Variants in ZNF558 observed in about 807,000 individuals in gnomAD.
The protein encoded by ZNF558 is zinc finger protein 558.
ZNF558 carries 23 observed loss-of-function variants against 37.6 expected under a neutral mutation model. The observed-to-expected ratio is 0.61, with a 90% CI of 0.44 to 0.87. The LOEUF (loss-of-function observed/expected upper bound fraction) is 0.87, where lower values mean the gene tolerates loss of function less well. Ranked by LOEUF, ZNF558 falls within the 40% of genes least tolerant of loss-of-function variation. The probability of loss-of-function intolerance (pLI) is 0.00; values close to 1 mark genes in which losing one functional copy is unlikely to be tolerated. For missense variants in ZNF558, 429 were observed against 483.7 expected (o/e 0.89, Z 1.06); for synonymous variants, 189 against 174.4 (o/e 1.08, Z -0.66).
At chr19:8,818,525 G>C (rs1045366037) in intron 7 of ZNF558, among the ~76,000 whole-genome samples, 1 of 152,148 alleles carries the variant, frequency 6.6e-6, no homozygotes, top group African/African-American at 2.4e-5. Context: ...ATTATCTACA[G>C]AGATAAAACA....
upstream of ZNF558, among the ~76,000 whole-genome samples, chr19:8,834,921 A>C (rs2044438366): frequency 6.6e-6 from 1 of 152,236 alleles, no homozygotes; most frequent in Non-Finnish European, 1.5e-5. Flanking sequence ...ACCATCAAGA[A>C]AAAAGACAAA....
At chr19:8,830,177 C>T (rs907716765) in intron 2 of ZNF558, among the ~76,000 whole-genome samples, 2 of 152,132 alleles carry the variant, frequency 1.3e-5, no homozygotes, top group African/African-American at 2.4e-5. Flanking sequence ...CCATGTAAGA[C>T]GTGCCTTGCT....
chr19:8,836,848 G>T (rs2044461261), upstream of ZNF558, among the ~76,000 whole-genome samples: 1 of 151,940 alleles, frequency 6.6e-6, no homozygotes, highest in South Asian at 2.1e-4. Flanking sequence ...AACAAACTGG[G>T]GATAAATAAT....
At chr19:8,827,044 A>C (rs560529166) in intron 2 of ZNF558, among the ~76,000 whole-genome samples, 4 of 152,286 alleles carry the variant, frequency 2.6e-5, no homozygotes, top group Non-Finnish European at 5.9e-5. Context: ...CCAAGAAAAA[A>C]ACAAGTAGAG....
chr19:8,822,941 A>ACC lies in ZNF558; in HGVS notation c.-65-219_-65-218dup, dbSNP rs1339245014. On this transcript the variant is annotated intron_variant, in intron 4 of 9. Transcript: ENST00000601372. The surrounding 1 kb of genome is among the most constrained non-coding windows in gnomAD (Gnocchi z 4.4). ...CAACACAACGACCAGTACCTCCCTG[A>ACC]CCCACCCGCTTTGAGAACCTCGGCT... is the stretch of plus-strand genomic sequence containing the variant. The ACC allele has an allele frequency of 2.1e-5, 10 of 486,932 alleles. No individual in the cohort carries two copies. Among genetic ancestry groups the ACC allele is most frequent in the African/African-American group, 1.9e-4 (10 of 51,622 alleles). 30.2% of individuals were successfully genotyped at this position (486,932 alleles called of 1,614,324 possible). A position where few individuals can be genotyped will look rare whatever the true frequency, so the allele number is the denominator to read the frequency against.
intron 6 of ZNF558, 105 bp from the exon 7 acceptor site, chr19:8,821,411 G>A (rs111962098): frequency 0.16 from 252,459 of 1,604,212 alleles, 20,746 homozygotes; most frequent in South Asian, 0.24. Context: ...ACCTGAGCAC[G>A]AGATGTTGGG....
At chr19:8,820,345 G>C (rs1428627407) in intron 7 of ZNF558, among the ~76,000 whole-genome samples, 1 of 152,176 alleles carries the variant, frequency 6.6e-6, no homozygotes, top group Non-Finnish European at 1.5e-5. Flanking sequence ...CATTATTCTT[G>C]ATAGTCAAAG....
rs2044115979 is a variant in ZNF558 at position 8,822,365 on chromosome 19, A to G, written c.31+264T>C. Among the ~76,000 whole-genome samples the G allele has an allele frequency of 6.6e-6, 1 of 152,226 alleles. No individual in the cohort carries two copies. The highest frequency in any genetic ancestry group is 1.5e-5 in the Non-Finnish European group (1 of 68,040). ...TGAGGAAACAAGTTCCAAGGGCGTC[A>G]CTGTGTTTTTATCAGATTCACAGAA... On this transcript the variant is annotated intron_variant, in intron 5 of 9. Coordinates refer to ENST00000601372, the MANE Select transcript of ZNF558 (RefSeq NM_144693.3). The surrounding 1 kb of genome is among the most constrained non-coding windows in gnomAD (Gnocchi z 4.4).
At chr19:8,824,635 G>A (rs761848552) in intron 3 of ZNF558, among the ~76,000 whole-genome samples, 3 of 152,016 alleles carry the variant, frequency 2.0e-5, no homozygotes, top group Admixed American at 6.6e-5. Flanking sequence ...TCCTCCCATC[G>A]CAGACAAGGA....
intron 7 of ZNF558, among the ~76,000 whole-genome samples, chr19:8,815,991 A>T (rs2043927696): frequency 6.6e-6 from 1 of 152,178 alleles, no homozygotes; most frequent in Non-Finnish European, 1.5e-5. Context: ...GCACAAATGT[A>T]CAAATCCAAG....
chr19:8,823,525 A>C (rs1599282587), intron 4 of ZNF558, among the ~76,000 whole-genome samples: 2 of 85,926 alleles, frequency 2.3e-5, no homozygotes, highest in Non-Finnish European at 4.3e-5. Flanking sequence ...TCTCCTGCCC[A>C]TGTTCTGCCT....
rs375674968 is a variant in ZNF558, at chr19:8,821,280, G to A, written c.147C>T (p.Ala49=). ...LRGLVTFEDV[A]VEFTQEEWAL... is the part of the protein sequence containing the mutation. ...CCCACTCCTCCTGGGTGAACTCCAC[G>A]GCCACATCCTCGAAGGTTACCAAGC... The change falls in exon 7 of 10, where the codon GCC becomes GCT. Residue 49 remains alanine (A), a synonymous_variant. Coordinates refer to ENST00000601372, the MANE Select transcript of ZNF558 (RefSeq NM_144693.3). 1.5e-4 allele frequency: 247 copies of A among 1,614,018 alleles called. No individual in the cohort carries two copies. The highest frequency in any genetic ancestry group is 3.8e-4 in the Admixed American group (23 of 60,000).
rs186328568 is a variant in ZNF558 at position 8,823,615 on chromosome 19, C to T, written c.-66+467G>A. Reference sequence around the variant, plus strand: ...TCACCCCCCTCCTGCCTCAGTCAGCCCCTCTCCTACCTATGCTCTGCCTTG... The same window carrying T: ...TCACCCCCCTCCTGCCTCAGTCAGCTCCTCTCCTACCTATGCTCTGCCTTG... On this transcript the variant is annotated intron_variant, in intron 4 of 9. Coordinates refer to ENST00000601372, the MANE Select transcript of ZNF558 (RefSeq NM_144693.3). 378 of 140,758 alleles carry T rather than the reference C, an allele frequency of 2.7e-3. 2 individuals carry two copies. The highest frequency in any genetic ancestry group is 4.3e-3 in the Non-Finnish European group (283 of 65,250). The allele number at this position is 140,758 out of a possible 1,614,324, so 8.7% of individuals were successfully genotyped here. A position where few individuals can be genotyped will look rare whatever the true frequency, so the allele number is the denominator to read the frequency against.
intron 2 of ZNF558, among the ~76,000 whole-genome samples, chr19:8,829,184 G>A (rs544858596): frequency 1.2e-4 from 18 of 151,790 alleles, no homozygotes; most frequent in African/African-American, 3.9e-4. Context: ...GCTTGAACCC[G>A]GGAGGCCGGG....
Position 8,811,202 on chromosome 19 carries a change from T to C in ZNF558, c.*79A>G, listed in dbSNP as rs569354812. The C allele has an allele frequency of 1.4e-6, 2 of 1,413,552 alleles. No homozygotes were observed. Among genetic ancestry groups the C allele is most frequent in the East Asian group, 2.3e-5 (1 of 43,318 alleles). The allele number at this position is 1,413,552 out of a possible 1,614,324, so 87.6% of individuals were successfully genotyped here. A position where few individuals can be genotyped will look rare whatever the true frequency, so the allele number is the denominator to read the frequency against. Reference sequence around the variant, plus strand: ...GTTATGCTGCAACAAATAACTTATATATCCAGTGTGAGCTCTCTCAAACTA... The same window carrying C: ...GTTATGCTGCAACAAATAACTTATACATCCAGTGTGAGCTCTCTCAAACTA... On this transcript the variant is annotated 3_prime_UTR_variant, in exon 10 of 10. Coordinates refer to ENST00000601372, the MANE Select transcript of ZNF558 (RefSeq NM_144693.3).
chr19:8,811,714 G>C lies in ZNF558; in HGVS notation c.776C>G (p.Thr259Arg). The C allele has an allele frequency of 1.2e-6, 2 of 1,613,954 alleles. No individual in the cohort carries two copies. The highest frequency in any genetic ancestry group is 1.7e-6 in the Non-Finnish European group (2 of 1,179,992). The change falls in exon 10 of 10, where the codon ACG (threonine) becomes AGG (arginine). Residue 259 changes from threonine (T) to arginine (R), a missense_variant. Physicochemically the swap from Thr to Arg is moderately conservative, Grantham distance 71. Coordinates refer to ENST00000601372, the MANE Select transcript of ZNF558 (RefSeq NM_144693.3). ...CNLKSHKRIH[T>R]GENHHECNQC... is the part of the protein sequence containing the mutation. ...ATTACATTCATGGTGATTCTCCCCC[G>C]TGTGAATCCTCTTGTGGCTTTTGAG...
rs112816154 is a variant in ZNF558, at chr19:8,811,229, C to T, written c.*52G>A. On this transcript the variant is annotated 3_prime_UTR_variant, in exon 10 of 10. Coordinates refer to ENST00000601372, the MANE Select transcript of ZNF558 (RefSeq NM_144693.3). ...TCCAGTGTGAGCTCTCTCAAACTAT[C>T]TTAGGGATGAAAGATCAATGAGTGC... 7.5e-4 allele frequency: 1,126 copies of T among 1,504,154 alleles called. 11 individuals are homozygous for T. In the African/African-American group the frequency reaches 0.013, roughly 18 times the overall value. The allele number at this position is 1,504,154 out of a possible 1,614,324, so 93.2% of individuals were successfully genotyped here.
intron 2 of ZNF558, among the ~76,000 whole-genome samples, chr19:8,825,920 T>C (rs189428174): frequency 1.6e-3 from 245 of 152,162 alleles, no homozygotes; most frequent in African/African-American, 5.8e-3. Flanking sequence ...ACATGGGGGA[T>C]GATGCTGGGT....
chr19:8,822,628 C>A lies in ZNF558; in HGVS notation c.31+1G>T, dbSNP rs1323742547. 6.2e-7 allele frequency: 1 copy of A among 1,614,122 alleles called. No homozygotes were observed. The highest frequency in any genetic ancestry group is 1.1e-5 in the South Asian group (1 of 91,082). On this transcript the variant is annotated splice_donor_variant, in intron 5 of 9. Transcript: ENST00000601372. LOFTEE classifies it high-confidence loss of function. The surrounding 1 kb of genome is among the most constrained non-coding windows in gnomAD (Gnocchi z 4.4). ...AGAAATGTCAGGACCCCACGACTCA[C>A]CAGCAGTCGAGGGCAGGATGACAGC...
Sources: gnomAD v4.1 joint callset for allele counts (sites outside exome capture counted in the v4.1 genomes callset) on GRCh38, gnomAD v4.1.1 for gene constraint, Gnocchi (gnomAD v3.1) non-coding constraint, MANE v1.5 for transcripts, NCBI Gene and HGNC (gene_info 2026-07-23, HGNC 2026-07-21) for gene names.